Variants in KCNH1 observed in about 807,000 individuals in gnomAD.
KCNH1 encodes voltage-gated delayed rectifier potassium channel KCNH1.
KCNH1 carries 27 observed loss-of-function variants against 69.2 expected under a neutral mutation model. That is an observed-to-expected ratio of 0.39 (90% CI 0.29 to 0.54). KCNH1 has a LOEUF of 0.54. KCNH1 is among the 20% of genes least tolerant of loss of function. The probability of loss-of-function intolerance (pLI) is 0.68; values close to 1 mark genes in which losing one functional copy is unlikely to be tolerated. For synonymous variants in KCNH1, 456 were observed against 487.7 expected (o/e 0.93, Z 0.86); for missense variants, 798 against 1,261.6 (o/e 0.63, Z 5.57).
intron 4 of KCNH1, among the ~76,000 whole-genome samples, chr1:211,088,132 C>A (rs1428720259): frequency 6.6e-6 from 1 of 152,142 alleles, no homozygotes. Context: ...ATTTAAAAGG[C>A]TAATATGGTG....
chr1:210,689,460 G>A (rs1022685340), intron 10 of KCNH1, among the ~76,000 whole-genome samples: 21 of 152,166 alleles, frequency 1.4e-4, no homozygotes, highest in African/African-American at 4.6e-4. Flanking sequence ...AAGACGATGT[G>A]GGGAGGGCAC....
At chr1:210,725,281 C>T (rs1021229885) in intron 10 of KCNH1, among the ~76,000 whole-genome samples, 6 of 152,180 alleles carry the variant, frequency 3.9e-5, no homozygotes, top group Admixed American at 2.6e-4. Context: ...AGATGTGACA[C>T]ATTAGGCTCC....
intron 6 of KCNH1, among the ~76,000 whole-genome samples, chr1:211,012,575 T>C (rs7526579): frequency 0.22 from 33,369 of 152,136 alleles, 4,138 homozygotes; most frequent in East Asian, 0.46. Context: ...TATGACATTC[T>C]GAAAATGCAA....
intron 8 of KCNH1, among the ~76,000 whole-genome samples, chr1:210,798,191 C>A: frequency 6.6e-6 from 1 of 151,942 alleles, no homozygotes; most frequent in East Asian, 1.9e-4. Context: ...AGGCGCCCAC[C>A]ACCACACCCA....
chr1:210,800,706 G>A (rs1242601599), intron 8 of KCNH1, among the ~76,000 whole-genome samples: 3 of 152,028 alleles, frequency 2.0e-5, no homozygotes, highest in Admixed American at 6.5e-5. Flanking sequence ...TCCCACAGCC[G>A]GCTCCCAACC....
At chr1:211,040,014 C>T (rs922076659) in intron 5 of KCNH1, among the ~76,000 whole-genome samples, 3 of 151,980 alleles carry the variant, frequency 2.0e-5, no homozygotes, top group Non-Finnish European at 4.4e-5. Flanking sequence ...ACAGTGAAAC[C>T]CCGTCTCTAC....
intron 6 of KCNH1, among the ~76,000 whole-genome samples, chr1:210,993,872 A>G (rs1688976676): frequency 6.6e-6 from 1 of 152,144 alleles, no homozygotes; most frequent in South Asian, 2.1e-4. Flanking sequence ...TGACAAAGTC[A>G]CCAACCTCTA....
chr1:210,855,907 A>T lies in KCNH1; in HGVS notation c.1463-51741T>A, dbSNP rs889494519. ...GCAAAAAATAATTTCACAAGCATTT[A>T]AAAAAAGTAGGCAATTAGCTTACTC... is the stretch of plus-strand genomic sequence containing the variant. On this transcript the variant is annotated intron_variant, in intron 7 of 10. Coordinates refer to ENST00000271751, the MANE Select transcript of KCNH1 (RefSeq NM_172362.3). 1.2e-4 allele frequency among the ~76,000 whole-genome samples: 18 copies of T among 152,294 alleles called. 1 individual carries two copies. Among genetic ancestry groups the T allele is most frequent in the African/African-American group, 3.9e-4 (16 of 41,544 alleles).
chr1:210,925,445 TTCTCAGTAGGGAG>T (rs1299078697), intron 6 of KCNH1, among the ~76,000 whole-genome samples: 1 of 152,204 alleles, frequency 6.6e-6, no homozygotes, highest in Non-Finnish European at 1.5e-5. Context: ...TCGGCTTGCT[TTCTCAGTAGGGAG>T]GCTCACGGCC....
chr1:210,864,103 T>A (rs1373018116), intron 7 of KCNH1, among the ~76,000 whole-genome samples: 1 of 152,224 alleles, frequency 6.6e-6, no homozygotes, highest in East Asian at 1.9e-4. Context: ...TGCAGAGGGT[T>A]TGACTGGATC....
Position 210,797,618 on chromosome 1 carries a change from C to T in KCNH1, c.1805G>A (p.Cys602Tyr). 1.9e-6 allele frequency: 3 copies of T among 1,614,242 alleles called. No homozygotes were observed. The highest frequency in any genetic ancestry group is 1.7e-5 in the Admixed American group (1 of 60,030). ...ATGGTAGATGAGGTCCCCTGGGGCA[C>T]AGTGCACCGTCTGGAACTCCATGGC... ...ALAMEFQTVH[C>Y]APGDLIYHAG... is the part of the protein sequence containing the mutation. The change falls in exon 9 of 11, where the codon TGT becomes TAT. Residue 602 changes from cysteine to tyrosine, a missense_variant. Transcript: ENST00000271751.
intron 7 of KCNH1, among the ~76,000 whole-genome samples, chr1:210,905,554 C>T (rs1687083987): frequency 6.6e-6 from 1 of 152,154 alleles, no homozygotes; most frequent in Non-Finnish European, 1.5e-5. Flanking sequence ...ACATGTAGCC[C>T]TGAGTCCAGT....
intron 6 of KCNH1, among the ~76,000 whole-genome samples, chr1:210,949,434 A>G (rs981755571): frequency 3.9e-5 from 6 of 152,230 alleles, no homozygotes; most frequent in African/African-American, 1.4e-4. Context: ...GTCTTCCTGC[A>G]TCCAAAGAGA....
chr1:210,782,290 T>C (rs994273340), intron 9 of KCNH1, among the ~76,000 whole-genome samples: 2 of 152,158 alleles, frequency 1.3e-5, no homozygotes, highest in African/African-American at 4.8e-5. Context: ...TGGCTAATCA[T>C]ACCAACCTGC....
intron 8 of KCNH1, among the ~76,000 whole-genome samples, chr1:210,798,659 T>C (rs1684370991): frequency 6.6e-6 from 1 of 152,166 alleles, no homozygotes; most frequent in Admixed American, 6.5e-5. Flanking sequence ...GTGCTGACTA[T>C]AGGGTGTCAA....
intron 7 of KCNH1, among the ~76,000 whole-genome samples, chr1:210,852,632 C>A (rs924006373): frequency 1.3e-5 from 2 of 152,088 alleles, no homozygotes; most frequent in African/African-American, 4.8e-5. Context: ...AGAGCCCCTA[C>A]CTCAACCACC....
At position 210,736,041 on chromosome 1, in the gene KCNH1, C is replaced by CT. The variant is rs886974807; in HGVS notation, c.2112+39306dup. Among the ~76,000 whole-genome samples, 104 of 148,668 alleles carry CT rather than the reference C, an allele frequency of 7.0e-4. 1 individual carries two copies. In the South Asian group the frequency reaches 9.2e-3, roughly 13 times the overall value. Reference sequence around the variant, plus strand: ...TGCATTGTTTTATTTTTAGTTTTAACTTTTTTTTTTAGAGATAGGGTCTCA... The same window carrying CT: ...TGCATTGTTTTATTTTTAGTTTTAACTTTTTTTTTTTAGAGATAGGGTCTCA... On this transcript the variant is annotated intron_variant, in intron 10 of 10. Transcript: ENST00000271751.
chr1:210,983,040 C>A (rs548178019), intron 6 of KCNH1, among the ~76,000 whole-genome samples: 3,682 of 151,484 alleles, frequency 0.024, 86 homozygotes, highest in South Asian at 0.056. Flanking sequence ...GCATTTTTTC[C>A]CGTGTTTTTT....
intron 8 of KCNH1, 133 bp from the exon 9 acceptor site, chr1:210,797,893 ATGGAGCTTATAT>A: frequency 1.0e-6 from 1 of 960,482 alleles, no homozygotes; most frequent in Non-Finnish European, 1.5e-6. Flanking sequence ...CCCTGCGCTT[ATGGAGCTTATAT>A]TCTTATAGAT....
Sources: gnomAD v4.1 joint callset for allele counts (sites outside exome capture counted in the v4.1 genomes callset) on GRCh38, gnomAD v4.1.1 for gene constraint, MANE v1.5 for transcripts, NCBI Gene and HGNC (gene_info 2026-07-23, HGNC 2026-07-21) for gene names.